COMMD10: variants seen among roughly 807,000 people sequenced by gnomAD.
COMMD10 encodes COMM domain-containing protein 10.
A neutral mutation model predicts 28.9 loss-of-function variants in COMMD10; 33 were observed. That is an observed-to-expected ratio of 1.14 (90% CI 0.87 to 1.53). The LOEUF (loss-of-function observed/expected upper bound fraction) is 1.53. Among genes scored for constraint, COMMD10 ranks in the 40% most tolerant of loss-of-function variants. COMMD10 has a pLI of 0.00. For missense variants in COMMD10, 310 were observed against 233.4 expected, an observed-to-expected ratio of 1.33 and a Z score of -2.14; for synonymous variants, 110 against 81.7, an observed-to-expected ratio of 1.35 and a Z score of -1.87.
chr5:116,145,598 C>T (rs893458603), intron 5 of COMMD10, among the ~76,000 whole-genome samples: 1 of 151,738 alleles, frequency 6.6e-6, no homozygotes, highest in Non-Finnish European at 1.5e-5. Flanking sequence ...TAGCCATACT[C>T]TCTGATGTGG....
In COMMD10 at chr5:116,257,480, G is replaced by A. The variant is rs186162381; in HGVS notation, c.511-34037G>A. On this transcript the variant is annotated intron_variant, in intron 5 of 6. Coordinates refer to ENST00000274458, the MANE Select transcript of COMMD10 (RefSeq NM_016144.4). ...CATATGAAATTTATGAAAGGAAAAT[G>A]CATAGGAGGGCATTTTAGCAAAACA... Among the ~76,000 whole-genome samples, 210 of 151,752 alleles carry A rather than the reference G, an allele frequency of 1.4e-3. 2 individuals are homozygous for A. Among genetic ancestry groups the A allele is most frequent in the Non-Finnish European group, 2.4e-3 (163 of 67,958 alleles).
chr5:116,172,742 C>T (rs1753378460), intron 5 of COMMD10, among the ~76,000 whole-genome samples: 1 of 152,154 alleles, frequency 6.6e-6, no homozygotes. Context: ...CTTCTGAATC[C>T]TGGCTGTGCA....
chr5:116,245,579 C>G (rs1480815565), intron 5 of COMMD10, among the ~76,000 whole-genome samples: 2 of 152,000 alleles, frequency 1.3e-5, no homozygotes, highest in South Asian at 2.1e-4. Flanking sequence ...GACATTGATA[C>G]AAAAGTCCTC....
intron 5 of COMMD10, among the ~76,000 whole-genome samples, chr5:116,151,400 T>C (rs1219018489): frequency 6.6e-6 from 1 of 152,088 alleles, no homozygotes; most frequent in African/African-American, 2.4e-5. Context: ...GATTCCCTCT[T>C]TTTCTATTGA....
At chr5:116,286,216 C>T (rs1334515120) in intron 5 of COMMD10, among the ~76,000 whole-genome samples, 1 of 151,508 alleles carries the variant, frequency 6.6e-6, no homozygotes, top group African/African-American at 2.4e-5. Context: ...TCCTCTCTTT[C>T]ATTTTTAATG....
At chr5:116,173,525 C>A (rs1311934355) in intron 5 of COMMD10, among the ~76,000 whole-genome samples, 1 of 152,132 alleles carries the variant, frequency 6.6e-6, no homozygotes, top group Non-Finnish European at 1.5e-5. Flanking sequence ...TTTCAGCCAT[C>A]ACATTATGAA....
rs544808140 is a variant in COMMD10 at position 116,092,321 on chromosome 5, G to A, written c.244-224G>A. 4.1e-4 allele frequency among the ~76,000 whole-genome samples: 63 copies of A among 152,258 alleles called. 2 individuals are homozygous for A. In the South Asian group the frequency reaches 0.013, roughly 31 times the overall value. On this transcript the variant is annotated intron_variant, in intron 3 of 6. Transcript: ENST00000274458. ...AGGATTACTTAAAGCATAGGTAAGA[G>A]TGAGAAAAAAATTCATCTTGAATAA...
intron 5 of COMMD10, among the ~76,000 whole-genome samples, chr5:116,166,420 C>G (rs999696531): frequency 6.6e-6 from 1 of 152,096 alleles, no homozygotes; most frequent in Non-Finnish European, 1.5e-5. Context: ...TTTATTTGCA[C>G]CATGTAATGC....
At chr5:116,163,882 T>C (rs1045111575) in intron 5 of COMMD10, among the ~76,000 whole-genome samples, 4 of 152,202 alleles carry the variant, frequency 2.6e-5, no homozygotes, top group African/African-American at 4.8e-5. Context: ...GTGTGAAATT[T>C]ATGTATATTT....
intron 4 of COMMD10, among the ~76,000 whole-genome samples, chr5:116,123,359 G>T (rs981840925): frequency 1.3e-5 from 2 of 152,134 alleles, no homozygotes; most frequent in African/African-American, 4.8e-5. Context: ...CTATTTATGT[G>T]ATGGATTACG....
rs1018245071 is a variant in COMMD10 at position 116,135,463 on chromosome 5, A to G, written c.510+1285A>G. ...TCAAAAGTATCATTTTATTTCACAC[A>G]TTTTCACTGGAACGTAATATGAACT... On this transcript the variant is annotated intron_variant, in intron 5 of 6. Coordinates refer to ENST00000274458, the MANE Select transcript of COMMD10 (RefSeq NM_016144.4). Among the ~76,000 whole-genome samples the G allele has an allele frequency of 2.6e-5, 4 of 152,082 alleles. No homozygotes were observed. In the East Asian group the frequency reaches 7.7e-4, roughly 29 times the overall value.
chr5:116,209,120 C>CT lies in COMMD10; in HGVS notation c.510+74951dup, dbSNP rs556811506. ...TTTTAAAGCGATACGTTTAGATCAA[C>CT]TTTTTTTTTCTTTTTGTTTGTAGTT... On this transcript the variant is annotated intron_variant, in intron 5 of 6. Transcript: ENST00000274458. Among the ~76,000 whole-genome samples the CT allele has an allele frequency of 1.4e-3, 214 of 151,368 alleles. 1 individual carries two copies. Among genetic ancestry groups the CT allele is most frequent in the African/African-American group, 4.8e-3 (197 of 41,332 alleles).
intron 5 of COMMD10, among the ~76,000 whole-genome samples, chr5:116,275,041 A>T (rs897186275): frequency 6.6e-6 from 1 of 151,586 alleles, no homozygotes; most frequent in African/African-American, 2.4e-5. Context: ...CCCAACCTCT[A>T]TTTCATCCCC....
At chr5:116,186,251 C>G (rs1748133041) in intron 5 of COMMD10, among the ~76,000 whole-genome samples, 1 of 152,100 alleles carries the variant, frequency 6.6e-6, no homozygotes, top group African/African-American at 2.4e-5. Context: ...GTCTTTAGCC[C>G]ATTCCAATAC....
At chr5:116,144,477 GTGCTATAATT>G (rs145729235) in intron 5 of COMMD10, among the ~76,000 whole-genome samples, 2,231 of 151,902 alleles carry the variant, frequency 0.015, 52 homozygotes, top group African/African-American at 0.047. Flanking sequence ...GAAAGTGATG[GTGCTATAATT>G]TGAACCCAGG....
intron 4 of COMMD10, among the ~76,000 whole-genome samples, chr5:116,112,000 C>T (rs1751060184): frequency 6.6e-6 from 1 of 152,118 alleles, no homozygotes. Context: ...AGAACTGACA[C>T]CTTTAATATC....
intron 5 of COMMD10, among the ~76,000 whole-genome samples, chr5:116,191,200 A>G (rs1179385031): frequency 6.6e-6 from 1 of 152,090 alleles, no homozygotes; most frequent in African/African-American, 2.4e-5. Context: ...ATCCATCAGG[A>G]GGGTGGCCAG....
chr5:116,272,421 G>A (rs1018598066), intron 5 of COMMD10, among the ~76,000 whole-genome samples: 8 of 151,836 alleles, frequency 5.3e-5, no homozygotes, highest in African/African-American at 1.9e-4. Flanking sequence ...TTTCTTAGGT[G>A]TTTTTCTGCC....
At chr5:116,225,433 G>A (rs1442050979) in intron 5 of COMMD10, among the ~76,000 whole-genome samples, 1 of 141,682 alleles carries the variant, frequency 7.1e-6, no homozygotes, top group Non-Finnish European at 1.5e-5. Context: ...AAATGACTCT[G>A]GGTTCTGTCA....
Sources: gnomAD v4.1 joint callset for allele counts (sites outside exome capture counted in the v4.1 genomes callset) on GRCh38, gnomAD v4.1.1 for gene constraint, MANE v1.5 for transcripts, NCBI Gene and HGNC (gene_info 2026-07-23, HGNC 2026-07-21) for gene names.